NID2: variants seen among roughly 807,000 people sequenced by gnomAD.
NID2 encodes the protein nidogen-2.
Under a neutral mutation model 145.4 loss-of-function variants are expected in NID2, and 83 were observed. The observed-to-expected ratio is 0.57, with a 90% CI of 0.48 to 0.69. The LOEUF (loss-of-function observed/expected upper bound fraction) is 0.69, where lower values mean the gene tolerates loss of function less well. Among genes scored for constraint, NID2 ranks in the 30% least tolerant of loss-of-function variants. The probability of loss-of-function intolerance (pLI) is 0.00; values close to 1 mark genes in which losing one functional copy is unlikely to be tolerated. For missense variants in NID2, 1,807 were observed against 1,765.7 expected (o/e 1.02, Z -0.42); for synonymous variants, 739 against 701.3 (o/e 1.05, Z -0.85).
At chr14:52,051,734 T>G (rs1017936598) in intron 5 of NID2, among the ~76,000 whole-genome samples, 1 of 152,242 alleles carries the variant, frequency 6.6e-6, no homozygotes, top group African/African-American at 2.4e-5. Context: ...GGATTTTTTT[T>G]GTCTAAGTTT....
In NID2 at chr14:52,054,271, G is replaced by C. The variant is rs1308306883; in HGVS notation, c.818C>G (p.Thr273Ser). 3 of 1,614,072 alleles carry C rather than the reference G, an allele frequency of 1.9e-6. No homozygotes were observed. The highest frequency in any genetic ancestry group is 2.5e-6 in the Non-Finnish European group (3 of 1,180,034). The stretch of plus-strand genomic sequence containing the variant: ...TGGCCTGACATTGTCCAACGGGGAA[G>C]TGCTGCCGATATGGAAAGCCCACAC... ...PGVWAFHIGS[T>S]SPLDNVRPAA... is the part of the protein sequence containing the mutation. The change falls in exon 4 of 22, where the codon ACT becomes AGT. Residue 273 changes from threonine to serine, a missense_variant. Thr to Ser is a moderately conservative substitution (Grantham distance 58). Transcript: ENST00000216286.
intron 17 of NID2, 29 bp from the exon 18 acceptor site, chr14:52,011,076 G>A (rs527480047): frequency 1.2e-6 from 2 of 1,605,534 alleles, no homozygotes; most frequent in East Asian, 2.2e-5. Context: ...CAGGACTGGA[G>A]TGTTTGCAGG....
At chr14:52,014,218 G>C in intron 16 of NID2, 69 bp downstream of exon 16, 1 of 1,597,476 alleles carries the variant, frequency 6.3e-7, no homozygotes, top group Non-Finnish European at 8.6e-7. Context: ...CACTGCAACA[G>C]GGCCTGTGAG....
intron 8 of NID2, among the ~76,000 whole-genome samples, chr14:52,039,355 A>G (rs1892193452): frequency 6.6e-6 from 1 of 152,216 alleles, no homozygotes; most frequent in African/African-American, 2.4e-5. Context: ...ATGCTGCCAC[A>G]TGGTAGAGCT....
chr14:52,015,268 G>A lies in NID2; in HGVS notation c.3036C>T (p.Thr1012=), dbSNP rs1891178736. 6.2e-7 allele frequency: 1 copy of A among 1,610,508 alleles called. No homozygotes were observed. The highest frequency in any genetic ancestry group is 8.5e-7 in the Non-Finnish European group (1 of 1,177,130). ...PPHCGPSPEP[T]QRPPTICERW... ...GCTCACAGATGGTCGGGGGCCTCTG[G>A]GTGGGCTCTGAGCAGATGGGGAAGA... Residue 1012 remains threonine (T), a synonymous_variant, in exon 15 of 22, where the codon ACC becomes ACT. Coordinates refer to ENST00000216286, the MANE Select transcript of NID2 (RefSeq NM_007361.4).
At chr14:52,017,088 G>A (rs1151584) in intron 14 of NID2, among the ~76,000 whole-genome samples, 1,550 of 152,204 alleles carry the variant, frequency 0.01, 31 homozygotes, top group African/African-American at 0.035. Context: ...CTCAAACACT[G>A]CAGGATTTCC....
chr14:52,011,511 G>T (rs1891019792), intron 17 of NID2, 43 bp downstream of exon 17: 1 of 1,612,268 alleles, frequency 6.2e-7, no homozygotes, highest in Admixed American at 1.7e-5. Context: ...AAGTGACTTT[G>T]TAGAATCAAA....
chr14:52,008,482 A>G (rs1890880653), intron 18 of NID2: 1 of 152,734 alleles, frequency 6.5e-6, no homozygotes, highest in Non-Finnish European at 1.5e-5. Flanking sequence ...CTGTGAGACT[A>G]AATGTTATCT....
At chr14:52,066,934 A>AT (rs1228255465) in intron 2 of NID2, among the ~76,000 whole-genome samples, 1 of 152,168 alleles carries the variant, frequency 6.6e-6, no homozygotes, top group Non-Finnish European at 1.5e-5. Flanking sequence ...GGAGCCTGGA[A>AT]TTTTTTACTT....
intron 2 of NID2, among the ~76,000 whole-genome samples, chr14:52,064,115 A>G (rs962062301): frequency 2.0e-5 from 3 of 152,128 alleles, no homozygotes; most frequent in African/African-American, 4.8e-5. Context: ...AAAAGCTACA[A>G]TAAAGTCCTG....
chr14:52,060,582 C>T (rs1052177620), intron 2 of NID2, among the ~76,000 whole-genome samples: 6 of 152,184 alleles, frequency 3.9e-5, no homozygotes, highest in African/African-American at 1.2e-4. Context: ...ATTGCAAATA[C>T]CATTTGTCAA....
In NID2 at chr14:52,042,153, G is replaced by T. The variant is rs1892302831; in HGVS notation, c.1777C>A (p.Leu593Ile). ...GAGCCAGGTTTTTCTAAAGCAAAGAGCCAGCCAAACAGGCCTCCAATTGGT... is the reference window on the plus strand; with the variant it reads ...GAGCCAGGTTTTTCTAAAGCAAAGATCCAGCCAAACAGGCCTCCAATTGGT... ...LTPIGGLFGW[L>I]FALEKPGSEN... The change falls in exon 7 of 22, where the codon CTC becomes ATC. Residue 593 changes from leucine (L) to isoleucine (I), a missense_variant. Leu to Ile is a conservative substitution (Grantham distance 5). Transcript: ENST00000216286. 4 of 1,611,884 alleles carry T rather than the reference G, an allele frequency of 2.5e-6. No homozygotes were observed. Among genetic ancestry groups the T allele is most frequent in the Non-Finnish European group, 3.4e-6 (4 of 1,178,364 alleles).
chr14:52,059,057 G>C (rs1317784084), intron 3 of NID2, among the ~76,000 whole-genome samples: 1 of 152,100 alleles, frequency 6.6e-6, no homozygotes, highest in African/African-American at 2.4e-5. Context: ...TTGGATTTTG[G>C]CTTTGCCACT....
chr14:52,055,041 A>G (rs990531858), intron 3 of NID2, among the ~76,000 whole-genome samples: 1 of 152,198 alleles, frequency 6.6e-6, no homozygotes, highest in African/African-American at 2.4e-5. Context: ...AAATACTGAC[A>G]CCCAAATGAC....
At position 52,060,184 on chromosome 14, in the gene NID2, T is replaced by C; in HGVS notation, c.707A>G (p.Lys236Arg). The change falls in exon 3 of 22, where the codon AAG (lysine) becomes AGG (arginine). Residue 236 changes from lysine to arginine, a missense_variant. By Grantham distance (26) the Lys-to-Arg change is conservative. Coordinates refer to ENST00000216286, the MANE Select transcript of NID2 (RefSeq NM_007361.4). ...GFCRGEADDLKSEGPYFSLTS... is the reference protein window; with the variant it reads ...GFCRGEADDLRSEGPYFSLTS... ...CAAGCTGAAATATGGTCCTTCTGAC[T>C]TCAGATCATCAGCCTCCCCTCGGCA... The C allele has an allele frequency of 6.2e-7, 1 of 1,614,070 alleles. No homozygotes were observed. The highest frequency in any genetic ancestry group is 8.5e-7 in the Non-Finnish European group (1 of 1,180,006).
At chr14:52,056,846 A>G (rs1892863063) in intron 3 of NID2, among the ~76,000 whole-genome samples, 1 of 152,190 alleles carries the variant, frequency 6.6e-6, no homozygotes, top group Non-Finnish European at 1.5e-5. Context: ...ATAAATACTT[A>G]TTAACTACTG....
At chr14:52,010,829 AC>A (rs745358145) in intron 18 of NID2, 46 bp downstream of exon 18, 2 of 1,578,962 alleles carry the variant, frequency 1.3e-6, no homozygotes, top group South Asian at 1.1e-5. Context: ...CAAGGGCTTC[AC>A]ATCAGGATCT....
At position 52,041,762 on chromosome 14, in the gene NID2, C is replaced by A. The variant is rs556455707; in HGVS notation, c.1825+343G>T. 2.2e-4 allele frequency among the ~76,000 whole-genome samples: 34 copies of A among 152,268 alleles called. No individual in the cohort carries two copies. The South Asian group carries it at 7.1e-3, about 32-fold the overall frequency. ...GAAGTAAAATCATCCCCAGGTGCCCCAAGTACCATTTTTGCATTTGACAGA... is the reference window on the plus strand; with the variant it reads ...GAAGTAAAATCATCCCCAGGTGCCCAAAGTACCATTTTTGCATTTGACAGA... On this transcript the variant is annotated intron_variant, in intron 7 of 21. Transcript: ENST00000216286.
At chr14:52,032,904 C>T (rs763672089) in intron 9 of NID2, among the ~76,000 whole-genome samples, 4 of 152,088 alleles carry the variant, frequency 2.6e-5, no homozygotes, top group South Asian at 2.1e-4. Context: ...TTACTCAATA[C>T]TGATTTAAAA....
Sources: allele counts gnomAD v4.1 joint callset (sites outside exome capture counted in the v4.1 genomes callset), GRCh38; gene constraint gnomAD v4.1.1; transcripts MANE v1.5; gene names NCBI Gene and HGNC (gene_info 2026-07-23, HGNC 2026-07-21).